Variants in EPB41L2 observed in about 807,000 individuals in gnomAD.
EPB41L2 encodes band 4.1-like protein 2.
Under a neutral mutation model 113.0 loss-of-function variants are expected in EPB41L2, and 43 were observed. The observed-to-expected ratio is 0.38, with a 90% CI of 0.30 to 0.49. The LOEUF (loss-of-function observed/expected upper bound fraction) is 0.49, where lower values mean the gene tolerates loss of function less well. Ranked by LOEUF, EPB41L2 falls within the 20% of genes least tolerant of loss-of-function variation. The probability of loss-of-function intolerance (pLI) is 0.95; values close to 1 mark genes in which losing one functional copy is unlikely to be tolerated. For missense variants in EPB41L2, 1,147 were observed against 1,223.4 expected, an observed-to-expected ratio of 0.94 and a Z score of 0.93; for synonymous variants, 442 against 436.7, an observed-to-expected ratio of 1.01 and a Z score of -0.15.
chr6:131,013,014 T>G (rs970994880), intron 1 of EPB41L2, among the ~76,000 whole-genome samples: 1 of 152,178 alleles, frequency 6.6e-6, no homozygotes, highest in African/African-American at 2.4e-5. Flanking sequence ...CCAACTATCT[T>G]CTAACTACAT....
intron 3 of EPB41L2, among the ~76,000 whole-genome samples, chr6:130,927,743 T>A (rs1805246980): frequency 6.6e-6 from 1 of 152,118 alleles, no homozygotes; most frequent in Admixed American, 6.6e-5. Context: ...TAGAATTGCA[T>A]CAAATTGTAA....
chr6:130,924,587 G>A (rs1052528364), intron 4 of EPB41L2, among the ~76,000 whole-genome samples: 9 of 151,834 alleles, frequency 5.9e-5, no homozygotes, highest in African/African-American at 2.2e-4. Flanking sequence ...TCACCATGTT[G>A]GCCAGGCTGA....
chr6:130,995,342 C>T (rs1412976002), intron 1 of EPB41L2, among the ~76,000 whole-genome samples: 1 of 150,778 alleles, frequency 6.6e-6, no homozygotes, highest in East Asian at 2.0e-4. Context: ...CTCAAAAAAA[C>T]AAACAAAAAA....
chr6:130,870,054 T>C lies in EPB41L2; in HGVS notation c.2116A>G (p.Thr706Ala), dbSNP rs1785151924. 6.2e-7 allele frequency: 1 copy of C among 1,613,928 alleles called. No homozygotes were observed. The highest frequency in any genetic ancestry group is 2.2e-5 in the East Asian group (1 of 44,886). The change falls in exon 15 of 20, where the codon ACA (threonine) becomes GCA (alanine). Residue 706 changes from threonine to alanine, a missense_variant. Physicochemically the swap from Thr to Ala is moderately conservative, Grantham distance 58. Transcript: ENST00000337057. ...ATCTCTTTACCATTCATTTCTTCTG[T>C]GATTACTCTTTCGTCTTTCCCAACC... is the stretch of plus-strand genomic sequence containing the variant. ...AEVGKDERVI[T>A]EEMNGKEISP...
At chr6:130,942,102 C>G (rs1450129865) in intron 3 of EPB41L2, among the ~76,000 whole-genome samples, 1 of 152,162 alleles carries the variant, frequency 6.6e-6, no homozygotes, top group Non-Finnish European at 1.5e-5. Flanking sequence ...TCCCTTTAAG[C>G]TCCAAATGCT....
intron 1 of EPB41L2, among the ~76,000 whole-genome samples, chr6:131,005,269 T>C (rs1029834620): frequency 1.3e-5 from 2 of 151,624 alleles, no homozygotes; most frequent in Non-Finnish European, 2.9e-5. Flanking sequence ...GGCAACAACA[T>C]AGCTATGTCC....
At chr6:130,971,536 T>C (rs1776781721) in intron 1 of EPB41L2, among the ~76,000 whole-genome samples, 1 of 152,212 alleles carries the variant, frequency 6.6e-6, no homozygotes, top group African/African-American at 2.4e-5. Context: ...CCAAGCCGGC[T>C]ACTAAGTAAC....
At chr6:130,999,097 T>C (rs973425387) in intron 1 of EPB41L2, among the ~76,000 whole-genome samples, 1 of 152,076 alleles carries the variant, frequency 6.6e-6, no homozygotes, top group African/African-American at 2.4e-5. Flanking sequence ...AGCACCACCG[T>C]AGAGTCCAGT....
chr6:130,858,063 A>AAGT (rs1780849701), intron 19 of EPB41L2, 68 bp downstream of exon 19: 1 of 1,221,426 alleles, frequency 8.2e-7, no homozygotes, highest in African/African-American at 1.5e-5. Context: ...TTCATTTCAC[A>AAGT]TCCTTTCACA....
chr6:130,955,852 T>C, intron 2 of EPB41L2, 142 bp downstream of exon 2: 1 of 1,406,354 alleles, frequency 7.1e-7, no homozygotes, highest in Non-Finnish European at 9.5e-7. Context: ...GGTAGACCAA[T>C]CTAAGACCCA....
chr6:130,918,631 C>T (rs1801878581), intron 4 of EPB41L2, among the ~76,000 whole-genome samples: 1 of 151,750 alleles, frequency 6.6e-6, no homozygotes, highest in Non-Finnish European at 1.5e-5. Context: ...ACTAAAAAGA[C>T]TTTCACCTCA....
chr6:130,871,090 C>G (rs1785514435), intron 14 of EPB41L2, among the ~76,000 whole-genome samples: 1 of 152,146 alleles, frequency 6.6e-6, no homozygotes, highest in Non-Finnish European at 1.5e-5. Flanking sequence ...ACATCTACTT[C>G]TTGGGAGTAA....
At chr6:130,918,612 C>T (rs778315984) in intron 4 of EPB41L2, among the ~76,000 whole-genome samples, 6 of 151,900 alleles carry the variant, frequency 3.9e-5, no homozygotes, top group Middle Eastern at 3.2e-3. Flanking sequence ...TTTTTCATAC[C>T]TAGAATGAAC....
At chr6:130,949,974 G>T (rs970094433) in intron 3 of EPB41L2, among the ~76,000 whole-genome samples, 1 of 152,140 alleles carries the variant, frequency 6.6e-6, no homozygotes, top group Non-Finnish European at 1.5e-5. Context: ...TGTGTTGACT[G>T]TTTACGTTAT....
intron 1 of EPB41L2, among the ~76,000 whole-genome samples, chr6:130,967,063 G>A (rs935269184): frequency 1.3e-5 from 2 of 151,996 alleles, no homozygotes; most frequent in African/African-American, 4.8e-5. Flanking sequence ...TTTTTAAGAA[G>A]TGTATCAGTT....
intron 19 of EPB41L2, among the ~76,000 whole-genome samples, chr6:130,855,557 A>G (rs1779967039): frequency 6.6e-6 from 1 of 152,212 alleles, no homozygotes; most frequent in Non-Finnish European, 1.5e-5. Context: ...GCTAGATATA[A>G]GATAAATATA....
intron 4 of EPB41L2, among the ~76,000 whole-genome samples, chr6:130,914,364 A>G (rs1800305131): frequency 6.6e-6 from 1 of 152,228 alleles, no homozygotes; most frequent in African/African-American, 2.4e-5. Flanking sequence ...CTCTATATGA[A>G]TATTTCTACC....
At chr6:130,948,952 C>T (rs1813875476) in intron 3 of EPB41L2, among the ~76,000 whole-genome samples, 1 of 152,140 alleles carries the variant, frequency 6.6e-6, no homozygotes, top group African/African-American at 2.4e-5. Context: ...TTTGAACACA[C>T]CTCTCTTATT....
intron 6 of EPB41L2, 34 bp downstream of exon 6, chr6:130,904,431 G>A (rs775767081): frequency 1.4e-6 from 2 of 1,437,546 alleles, no homozygotes; most frequent in Non-Finnish European, 1.9e-6. Context: ...GAGCTGTAAG[G>A]AAAGGTTCAT....
Sources: allele counts gnomAD v4.1 joint callset (sites outside exome capture counted in the v4.1 genomes callset), GRCh38; gene constraint gnomAD v4.1.1; transcripts MANE v1.5; gene names NCBI Gene and HGNC (gene_info 2026-07-23, HGNC 2026-07-21).